The following SLC4A7 variants were observed in gnomAD, a reference collection of about 807,000 sequenced individuals.
SLC4A7 encodes solute carrier family 4 member 7.
In SLC4A7, 51 loss-of-function variants were observed where a neutral mutation model predicts 137.6. The ratio of observed to expected loss-of-function variants is 0.37; its 90% CI spans 0.30 to 0.47. The LOEUF is 0.47. SLC4A7 is among the 20% of genes least tolerant of loss of function. The pLI is 1.00. For synonymous variants in SLC4A7, 542 were observed against 518.6 expected, an observed-to-expected ratio of 1.05 and a Z score of -0.61; for missense variants, 1,247 against 1,525.4, an observed-to-expected ratio of 0.82 and a Z score of 3.04.
intron 3 of SLC4A7, among the ~76,000 whole-genome samples, chr3:27,443,529 G>C (rs1381113339): frequency 6.6e-6 from 1 of 151,606 alleles, no homozygotes; most frequent in East Asian, 1.9e-4. Flanking sequence ...CATTCTCCTG[G>C]AATTTTGTTT....
At chr3:27,432,127 GA>G (rs2056361502) in intron 6 of SLC4A7, among the ~76,000 whole-genome samples, 1 of 152,054 alleles carries the variant, frequency 6.6e-6, no homozygotes, top group Admixed American at 6.5e-5. Context: ...ATCTCTTAGA[GA>G]AAAAGTTCAT....
At position 27,421,611 on chromosome 3, in the gene SLC4A7, T is replaced by G. The variant is rs973228066; in HGVS notation, c.1424+11A>C. 2 of 1,600,904 alleles carry G rather than the reference T, an allele frequency of 1.2e-6. No individual in the cohort carries two copies. Among genetic ancestry groups the G allele is most frequent in the African/African-American group, 2.7e-5 (2 of 74,632 alleles). ...ATGCTTAGAGAATGTTACTTGGAAC[T>G]AACTCTTTACCTGGTTGGAACAGGG... On this transcript the variant is annotated intron_variant, in intron 9 of 25. Coordinates refer to ENST00000454389, the MANE Select transcript of SLC4A7 (RefSeq NM_001321103.2).
In SLC4A7 at chr3:27,383,139, A is replaced by T; in HGVS notation, c.3590+14T>A. 3 of 1,516,678 alleles carry T rather than the reference A, an allele frequency of 2.0e-6. No homozygotes were observed. Among genetic ancestry groups the T allele is most frequent in the Non-Finnish European group, 2.7e-6 (3 of 1,095,858 alleles). 94.0% of individuals were successfully genotyped at this position (1,516,678 alleles called of 1,614,324 possible). A position where few individuals can be genotyped will look rare whatever the true frequency, so the allele number is the denominator to read the frequency against. The stretch of plus-strand genomic sequence containing the variant: ...ATGCATATAAAAGTTTTAGAGCATA[A>T]AGTCATATCTCACCTATATTTTAGG... On this transcript the variant is annotated intron_variant, in intron 24 of 25. Transcript: ENST00000454389.
rs765169476 is a variant in SLC4A7 at position 27,376,774 on chromosome 3, G to A, written c.3770C>T (p.Thr1257Ile). The A allele has an allele frequency of 1.3e-6, 2 of 1,591,456 alleles. No individual in the cohort carries two copies. Among genetic ancestry groups the A allele is most frequent in the Non-Finnish European group, 1.7e-6 (2 of 1,164,580 alleles). The change falls in exon 26 of 26, where the codon ACT becomes ATT. Residue 1257 changes from threonine (T) to isoleucine (I), a missense_variant. By Grantham distance (89) the Thr-to-Ile change is moderately conservative. Around this residue, in one of 6 missense-constraint regions of SLC4A7, gnomAD observed 290 missense variants for 323.8 expected, o/e 0.90. Coordinates refer to ENST00000454389, the MANE Select transcript of SLC4A7 (RefSeq NM_001321103.2). ...EPRKKYVDAE[T>I]SL is the part of the protein sequence containing the mutation. The stretch of plus-strand genomic sequence containing the variant: ...CCTCTTGGTTCAATTCTATAATGAA[G>A]TTTCAGCATCCACGTATTTCTTTCT...
At chr3:27,428,851 G>A (rs2055939464) in intron 7 of SLC4A7, among the ~76,000 whole-genome samples, 1 of 152,136 alleles carries the variant, frequency 6.6e-6, no homozygotes, top group Non-Finnish European at 1.5e-5. Flanking sequence ...AGGCTTAGCT[G>A]AAATAATTAA....
intron 7 of SLC4A7, among the ~76,000 whole-genome samples, chr3:27,424,915 T>C (rs1237196861): frequency 6.6e-6 from 1 of 152,216 alleles, no homozygotes; most frequent in Non-Finnish European, 1.5e-5. Flanking sequence ...GAAATGATAC[T>C]TGTTTGGATT....
intron 7 of SLC4A7, 136 bp downstream of exon 7, chr3:27,431,162 A>G: frequency 1.0e-6 from 1 of 988,384 alleles, no homozygotes; most frequent in Non-Finnish European, 1.4e-6. Context: ...TCATAAAGAA[A>G]AAAAAACATG....
At chr3:27,394,001 C>T (rs1034511838) in intron 20 of SLC4A7, among the ~76,000 whole-genome samples, 5 of 151,912 alleles carry the variant, frequency 3.3e-5, no homozygotes, top group African/African-American at 1.2e-4. Context: ...GCGTTTTATA[C>T]ATATATTTGC....
chr3:27,431,628 G>C lies in SLC4A7; in HGVS notation c.820C>G (p.Leu274Val), dbSNP rs757660919. The C allele has an allele frequency of 6.2e-6, 10 of 1,605,550 alleles. No individual in the cohort carries two copies. Among genetic ancestry groups the C allele is most frequent in the Non-Finnish European group, 8.5e-6 (10 of 1,176,218 alleles). Residue 274 changes from leucine (L) to valine (V), a missense_variant, in exon 7 of 26, where the codon CTG (leucine) becomes GTG (valine). Leu to Val is a conservative substitution (Grantham distance 32). Transcript: ENST00000454389. ...SASRHSLRTG[L>V]SASNLSLRGE... is the part of the protein sequence containing the mutation. ...CTCAAGGAAAGGTTTGAGGCAGACA[G>C]ACCTGTTCGCAAAGAGTGGCGGGAG... is the stretch of plus-strand genomic sequence containing the variant.
At position 27,376,736 on chromosome 3, in the gene SLC4A7, T is replaced by A. The variant is rs777748458; in HGVS notation, c.*28A>T. 1 of 1,260,364 alleles carries A rather than the reference T, an allele frequency of 7.9e-7. No homozygotes were observed. The highest frequency in any genetic ancestry group is 1.2e-5 in the South Asian group (1 of 82,224). 78.1% of individuals were successfully genotyped at this position (1,260,364 alleles called of 1,614,324 possible). ...CGCACACATTACATATGTATATATC[T>A]ATATGTATAATGCCTCTTGGTTCAA... On this transcript the variant is annotated 3_prime_UTR_variant, in exon 26 of 26. Coordinates refer to ENST00000454389, the MANE Select transcript of SLC4A7 (RefSeq NM_001321103.2).
At chr3:27,446,727 T>G (rs961177929) in intron 3 of SLC4A7, among the ~76,000 whole-genome samples, 2 of 152,136 alleles carry the variant, frequency 1.3e-5, no homozygotes, top group South Asian at 2.1e-4. Context: ...TTTTTACTTC[T>G]AAATTACTTA....
chr3:27,385,606 T>TA (rs1162898671), intron 23 of SLC4A7, among the ~76,000 whole-genome samples: 2 of 152,184 alleles, frequency 1.3e-5, no homozygotes, highest in African/African-American at 4.8e-5. Context: ...GCTGATTTAG[T>TA]AAGCACATGA....
At chr3:27,435,599 G>A (rs1338618271) in intron 5 of SLC4A7, among the ~76,000 whole-genome samples, 2 of 152,128 alleles carry the variant, frequency 1.3e-5, no homozygotes, top group Non-Finnish European at 2.9e-5. Context: ...CAAAACTCTG[G>A]CAAGCCAAAG....
intron 20 of SLC4A7, among the ~76,000 whole-genome samples, chr3:27,392,843 A>T (rs1329164312): frequency 3.3e-5 from 5 of 152,162 alleles, no homozygotes; most frequent in Non-Finnish European, 5.9e-5. Flanking sequence ...AAAAGAAAAA[A>T]AAATGCTAGG....
chr3:27,481,725 A>G (rs2059715937), intron 1 of SLC4A7, among the ~76,000 whole-genome samples: 1 of 152,226 alleles, frequency 6.6e-6, no homozygotes. Flanking sequence ...GCCAAGCCTT[A>G]TCTTCTCAAA....
chr3:27,458,449 C>A (rs1168662059), intron 1 of SLC4A7, among the ~76,000 whole-genome samples: 1 of 152,110 alleles, frequency 6.6e-6, no homozygotes, highest in Non-Finnish European at 1.5e-5. Flanking sequence ...ACATGTCATA[C>A]ACTTCAAATA....
At chr3:27,480,430 T>C (rs2059659291) in intron 1 of SLC4A7, among the ~76,000 whole-genome samples, 1 of 152,152 alleles carries the variant, frequency 6.6e-6, no homozygotes, top group African/African-American at 2.4e-5. Flanking sequence ...GGTCCCATTA[T>C]GTTGCCCAGG....
At chr3:27,396,592 C>T (rs935895820) in intron 18 of SLC4A7, among the ~76,000 whole-genome samples, 37 of 151,998 alleles carry the variant, frequency 2.4e-4, no homozygotes, top group African/African-American at 8.4e-4. Context: ...ACTTTAAAGA[C>T]CACTGATTTT....
chr3:27,402,477 A>C (rs1283675108), intron 15 of SLC4A7, among the ~76,000 whole-genome samples: 1 of 152,158 alleles, frequency 6.6e-6, no homozygotes, highest in African/African-American at 2.4e-5. Flanking sequence ...AGGCAGGTGG[A>C]TCACCTGAGG....
Sources: gnomAD v4.1 joint callset for allele counts (sites outside exome capture counted in the v4.1 genomes callset) on GRCh38, gnomAD v4.1.1 for gene constraint, gnomAD v4.1.1 regional missense constraint, MANE v1.5 for transcripts, NCBI Gene and HGNC (gene_info 2026-07-23, HGNC 2026-07-21) for gene names.